SARS2: variants seen among roughly 807,000 people sequenced by gnomAD.
SARS2 encodes the protein serine--tRNA ligase, mitochondrial.
SARS2 carries 52 observed loss-of-function variants against 66.8 expected under a neutral mutation model. The observed-to-expected ratio is 0.78, with a 90% CI of 0.62 to 0.98. The LOEUF (loss-of-function observed/expected upper bound fraction) is 0.98, where lower values mean the gene tolerates loss of function less well. Among genes scored for constraint, SARS2 ranks in the 50% least tolerant of loss-of-function variants. The pLI, the probability that SARS2 is intolerant of heterozygous loss-of-function variation, is 0.00. For synonymous variants in SARS2, 306 were observed against 281.4 expected, an observed-to-expected ratio of 1.09 and a Z score of -0.87; for missense variants, 673 against 706.3, an observed-to-expected ratio of 0.95 and a Z score of 0.53.
chr19:38,919,053 G>A (rs775992691), intron 7 of SARS2, among the ~76,000 whole-genome samples: 1 of 152,036 alleles, frequency 6.6e-6, no homozygotes, highest in Non-Finnish European at 1.5e-5. Context: ...CACTAAAAAG[G>A]CAAAAATTAG....
intron 1 of SARS2, among the ~76,000 whole-genome samples, chr19:38,926,618 T>C (rs1974632606): frequency 6.6e-6 from 1 of 151,474 alleles, no homozygotes; most frequent in African/African-American, 2.4e-5. Context: ...AAACCCCATC[T>C]CTACTAAAAA....
chr19:38,917,675 T>TA, intron 12 of SARS2, 49 bp downstream of exon 12: 1 of 686,464 alleles, frequency 1.5e-6, no homozygotes. Context: ...CCCTTGTCCC[T>TA]CCCCTACCCC....
chr19:38,919,770 G>C lies in SARS2; in HGVS notation c.751C>G (p.Leu251Val). 6.2e-7 allele frequency: 1 copy of C among 1,614,024 alleles called. No homozygotes were observed. The highest frequency in any genetic ancestry group is 8.5e-7 in the Non-Finnish European group (1 of 1,179,896). ...CCTATCTTGGCCCATACCCGGCGGA[G>C]AAGCTTGTTGAATGTGAAGTTGACC... ...GLVNFTFNKL[L>V]RRGFTPMTVP... is the part of the protein sequence containing the mutation. Residue 251 changes from leucine to valine, a missense_variant, in exon 7 of 16, where the codon CTC becomes GTC. Leu to Val is a conservative substitution (Grantham distance 32, BLOSUM62 1). Transcript: ENST00000221431.
chr19:38,918,424 G>A lies in SARS2; in HGVS notation c.914C>T (p.Ala305Val), dbSNP rs1974458331. 2 of 1,613,178 alleles carry A rather than the reference G, an allele frequency of 1.2e-6. No homozygotes were observed. The highest frequency in any genetic ancestry group is 8.5e-7 in the Non-Finnish European group (1 of 1,179,134). Residue 305 changes from alanine (A) to valine (V), a missense_variant and splice_region_variant, in exon 9 of 16, where the codon GCA (alanine) becomes GTA (valine). Transcript: ENST00000221431. ...CCACCACCCACACAGGTCCTCACCT[G>A]CAAGCCCCACCTCCGCTGTTCCAGC... ...NLAGTAEVGLAGYFMDHTVAF... is the reference protein window; with the variant it reads ...NLAGTAEVGLVGYFMDHTVAF...
chr19:38,921,443 C>T lies in SARS2; in HGVS notation c.538G>A (p.Val180Ile), dbSNP rs552465576. ...ACTCGAGCCTGGCTCTCATCCCCGACGGGCTGCAGGGAGACAGCAGGAGTC... is the reference window on the plus strand; with the variant it reads ...ACTCGAGCCTGGCTCTCATCCCCGATGGGCTGCAGGGAGACAGCAGGAGTC... ...LPNQTHPDVP[V>I]GDESQARVLH... is the part of the protein sequence containing the mutation. The change falls in exon 5 of 16, where the codon GTC becomes ATC. Residue 180 changes from valine to isoleucine, a missense_variant. Transcript: ENST00000221431. 4.7e-5 allele frequency: 76 copies of T among 1,613,952 alleles called. No homozygotes were observed. The highest frequency in any genetic ancestry group is 3.2e-4 in the African/African-American group (24 of 74,924).
chr19:38,916,406 A>G, intron 12 of SARS2, 92 bp from the exon 13 acceptor site: 1 of 1,100,482 alleles, frequency 9.1e-7, no homozygotes, highest in South Asian at 1.3e-5. Flanking sequence ...AGGCAGCCAA[A>G]AAGCAGGAAA....
intron 7 of SARS2, 85 bp from the exon 8 acceptor site, chr19:38,918,898 C>T: frequency 7.3e-7 from 1 of 1,374,124 alleles, no homozygotes; most frequent in Non-Finnish European, 1.0e-6. Context: ...GCTGCAGAGC[C>T]CCTTCCTCCT....
chr19:38,920,090 G>A lies in SARS2; in HGVS notation c.649C>T (p.Gln217Ter). The A allele has an allele frequency of 6.4e-7, 1 of 1,560,038 alleles. No individual in the cohort carries two copies. Among genetic ancestry groups the A allele is most frequent in the Non-Finnish European group, 8.7e-7 (1 of 1,151,402 alleles). Reference protein sequence around the residue: ...EIGEKLDIIRQKRLSHVSGHR... With the variant: ...EIGEKLDIIR ...GGAGCCAGGGGAGGGGCTCACTTCT[G>A]ACGGATGATGTCGAGTTTCTCGCCA... The change falls in exon 6 of 16, where the codon CAG (glutamine) becomes TAG (stop). Residue 217 changes from glutamine (Q) to a stop codon, truncating the protein, a stop_gained. Transcript: ENST00000221431. LOFTEE classifies it high-confidence loss of function.
chr19:38,916,356 G>A, intron 12 of SARS2, 42 bp from the exon 13 acceptor site: 2 of 1,554,752 alleles, frequency 1.3e-6, no homozygotes, highest in East Asian at 2.2e-5. Context: ...CAGCGGGTGA[G>A]AGGAGGAGCA....
rs527536863 is a variant in SARS2, at chr19:38,929,476, G to A, written c.267+994C>T. On this transcript the variant is annotated intron_variant, in intron 1 of 15. Coordinates refer to ENST00000221431, the MANE Select transcript of SARS2 (RefSeq NM_017827.4). Reference sequence around the variant, plus strand: ...GAGGCTGAGTGGGAGGATTATTTGAGCTCAGGAATTCAAGGTTCCAGTGAG... The same window carrying A: ...GAGGCTGAGTGGGAGGATTATTTGAACTCAGGAATTCAAGGTTCCAGTGAG... 4.6e-4 allele frequency among the ~76,000 whole-genome samples: 70 copies of A among 151,362 alleles called. No homozygotes were observed. In the East Asian group the frequency reaches 0.01, roughly 23 times the overall value.
chr19:38,929,154 T>TC (rs1293477890), intron 1 of SARS2, among the ~76,000 whole-genome samples: 6 of 151,768 alleles, frequency 4.0e-5, no homozygotes, highest in Non-Finnish European at 1.5e-5. Context: ...GAGGCAGAAG[T>TC]CGCAGCGCAC....
At position 38,917,813 on chromosome 19, in the gene SARS2, T is replaced by G; in HGVS notation, c.1071A>C (p.Thr357=). 6.2e-7 allele frequency: 1 copy of G among 1,614,152 alleles called. No homozygotes were observed. The highest frequency in any genetic ancestry group is 1.3e-5 in the African/African-American group (1 of 75,040). ...GTGAGCTCTGCTCCAGCCCAGGGCC[T>G]GTCACCCCAAACATCTCCACCTGGG... The part of the protein sequence containing the change: ...HFTKVEMFGV[T]GPGLEQSSQL... The change falls in exon 12 of 16, where the codon ACA becomes ACC. Residue 357 remains threonine (T), a synonymous_variant. Coordinates refer to ENST00000221431, the MANE Select transcript of SARS2 (RefSeq NM_017827.4).
intron 1 of SARS2, among the ~76,000 whole-genome samples, chr19:38,926,581 T>C (rs1036300239): frequency 4.7e-5 from 7 of 149,792 alleles, no homozygotes; most frequent in Non-Finnish European, 1.0e-4. Flanking sequence ...AGATCAGGAG[T>C]TCAAGACCAG....
In SARS2 at chr19:38,921,437, C is replaced by A. The variant is rs1194017764; in HGVS notation, c.544G>T (p.Asp182Tyr). The A allele has an allele frequency of 1.2e-6, 2 of 1,613,898 alleles. No individual in the cohort carries two copies. Among genetic ancestry groups the A allele is most frequent in the African/African-American group, 2.7e-5 (2 of 74,924 alleles). ...TGGAGCACTCGAGCCTGGCTCTCAT[C>A]CCCGACGGGCTGCAGGGAGACAGCA... Reference protein sequence around the residue: ...NQTHPDVPVGDESQARVLHMV... With the variant: ...NQTHPDVPVGYESQARVLHMV... Residue 182 changes from aspartate to tyrosine, a missense_variant, in exon 5 of 16, where the codon GAT becomes TAT. Physicochemically the swap from Asp to Tyr is radical, Grantham distance 160 (BLOSUM62 -3). Coordinates refer to ENST00000221431, the MANE Select transcript of SARS2 (RefSeq NM_017827.4).
At chr19:38,924,705 G>A (rs1380861147) in intron 2 of SARS2, among the ~76,000 whole-genome samples, 2 of 152,128 alleles carry the variant, frequency 1.3e-5, no homozygotes, top group African/African-American at 4.8e-5. Context: ...GTGTGATGGT[G>A]CGATCATAGC....
intron 2 of SARS2, among the ~76,000 whole-genome samples, chr19:38,924,092 A>AC (rs1231686216): frequency 6.6e-6 from 1 of 151,566 alleles, no homozygotes; most frequent in African/African-American, 2.4e-5. Flanking sequence ...AGATCGTGCC[A>AC]CTGTACTCTG....
intron 1 of SARS2, among the ~76,000 whole-genome samples, chr19:38,928,594 A>G (rs1974671650): frequency 6.6e-6 from 1 of 152,190 alleles, no homozygotes; most frequent in East Asian, 1.9e-4. Context: ...TCTTGGCCAC[A>G]AAGTTTGAAA....
rs778446942 is a variant in SARS2, at chr19:38,930,576, G to A, written c.161C>T (p.Ala54Val). Residue 54 changes from alanine (A) to valine (V), a missense_variant, in exon 1 of 16, where the codon GCA (alanine) becomes GTA (valine). By Grantham distance (64) the Ala-to-Val change is moderately conservative. Coordinates refer to ENST00000221431, the MANE Select transcript of SARS2 (RefSeq NM_017827.4). ...CCGCTCTATGTCCAGCTGAGGGAGT[G>A]CGCTGTAGCCCTCGCGCGCATACTC... ...LYEYAREGYS[A>V]LPQLDIERFC... The A allele has an allele frequency of 1.9e-6, 3 of 1,614,010 alleles. No individual in the cohort carries two copies. The East Asian group carries it at 6.7e-5, about 36-fold the overall frequency.
intron 9 of SARS2, 102 bp downstream of exon 9, chr19:38,918,320 G>C (rs1375918565): frequency 8.1e-7 from 1 of 1,230,434 alleles, no homozygotes; most frequent in Admixed American, 1.9e-5. Context: ...TGGGGCTGCT[G>C]AGCTGCTCGG....
Sources: gnomAD v4.1 joint callset for allele counts (sites outside exome capture counted in the v4.1 genomes callset) on GRCh38, gnomAD v4.1.1 for gene constraint, MANE v1.5 for transcripts, NCBI Gene and HGNC (gene_info 2026-07-23, HGNC 2026-07-21) for gene names.